The following DNAJC1 variants were observed in gnomAD, a reference collection of about 807,000 sequenced individuals.
The protein encoded by DNAJC1 is dnaJ homolog subfamily C member 1.
DNAJC1 carries 58 observed loss-of-function variants against 76.6 expected under a neutral mutation model. That is an observed-to-expected ratio of 0.76 (90% CI 0.61 to 0.94). The LOEUF (loss-of-function observed/expected upper bound fraction) is 0.94. DNAJC1 is among the 40% of genes least tolerant of loss of function. The pLI is 0.00. For synonymous variants in DNAJC1, 258 were observed against 267.9 expected, an observed-to-expected ratio of 0.96 and a Z score of 0.36; for missense variants, 689 against 677.3, an observed-to-expected ratio of 1.02 and a Z score of -0.19.
chr10:21,768,732 A>T (rs1042491883), intron 9 of DNAJC1, among the ~76,000 whole-genome samples: 3 of 152,228 alleles, frequency 2.0e-5, no homozygotes, highest in African/African-American at 4.8e-5. Flanking sequence ...GTTATCCAAC[A>T]TGAGCTTCCT....
At chr10:21,757,627 C>G (rs182224948) in intron 11 of DNAJC1, among the ~76,000 whole-genome samples, 1 of 152,308 alleles carries the variant, frequency 6.6e-6, no homozygotes, top group African/African-American at 2.4e-5. Flanking sequence ...TTAAAGATAT[C>G]AGTCTTTCCT....
At position 21,756,723 on chromosome 10, in the gene DNAJC1, A is replaced by C; in HGVS notation, c.1629T>G (p.Val543=). ...CTTGTTTTTTCTTTTGGACCAGTTC[A>C]ACCAGCAACTTGTACCTAGCGATAC... ...EDCIARYKLL[V]ELVQKKKQAK... The change falls in exon 12 of 12, where the codon GTT becomes GTG. Residue 543 remains valine (V), a synonymous_variant. Transcript: ENST00000376980. 1 of 1,613,918 alleles carries C rather than the reference A, an allele frequency of 6.2e-7. No homozygotes were observed. Among genetic ancestry groups the C allele is most frequent in the Non-Finnish European group, 8.5e-7 (1 of 1,180,012 alleles).
intron 8 of DNAJC1, among the ~76,000 whole-genome samples, chr10:21,825,117 G>T (rs1158965675): frequency 6.6e-6 from 1 of 152,008 alleles, no homozygotes; most frequent in Non-Finnish European, 1.5e-5. Context: ...ACCATTCAGT[G>T]GCATTAAGTA....
chr10:21,899,255 C>T (rs1278396438), intron 7 of DNAJC1, among the ~76,000 whole-genome samples: 1 of 152,212 alleles, frequency 6.6e-6, no homozygotes, highest in Non-Finnish European at 1.5e-5. Context: ...GTTTTACATA[C>T]TCCAGCCCTG....
At chr10:21,946,894 A>G (rs1837514559) in intron 1 of DNAJC1, among the ~76,000 whole-genome samples, 1 of 152,056 alleles carries the variant, frequency 6.6e-6, no homozygotes, top group South Asian at 2.1e-4. Context: ...ACCTAATGGG[A>G]GGTGTTTAGG....
chr10:21,979,375 C>A (rs1564843627), intron 1 of DNAJC1, among the ~76,000 whole-genome samples: 1 of 151,896 alleles, frequency 6.6e-6, no homozygotes, highest in African/African-American at 2.4e-5. Context: ...GAATCTATAT[C>A]CCAAATAAGG....
At chr10:21,826,976 T>C (rs137882672) in intron 8 of DNAJC1, among the ~76,000 whole-genome samples, 2 of 152,112 alleles carry the variant, frequency 1.3e-5, no homozygotes, top group African/African-American at 4.8e-5. Flanking sequence ...TTTTTTTTTT[T>C]CCTTTTGGAT....
At chr10:21,842,526 A>C (rs1211119551) in intron 8 of DNAJC1, among the ~76,000 whole-genome samples, 1 of 152,248 alleles carries the variant, frequency 6.6e-6, no homozygotes, top group Non-Finnish European at 1.5e-5. Context: ...GGGAGAATTA[A>C]GTTCAGTTTT....
chr10:21,991,444 T>C (rs1838325326), intron 1 of DNAJC1, among the ~76,000 whole-genome samples: 2 of 152,160 alleles, frequency 1.3e-5, no homozygotes, highest in South Asian at 4.1e-4. Flanking sequence ...TTTATACCAA[T>C]AGCCTTTACA....
chr10:21,837,825 TG>T (rs1437887651), intron 8 of DNAJC1, among the ~76,000 whole-genome samples: 3 of 113,612 alleles, frequency 2.6e-5, no homozygotes, highest in African/African-American at 1.1e-4. Flanking sequence ...GGGAGGGAGG[TG>T]GGGGGCAGCC....
chr10:21,999,405 G>C (rs959029680), intron 1 of DNAJC1, among the ~76,000 whole-genome samples: 1 of 148,226 alleles, frequency 6.7e-6, no homozygotes, highest in Non-Finnish European at 1.5e-5. Context: ...CTTACTGGTC[G>C]TTCCTGCTCT....
chr10:21,758,048 G>C (rs1171344708), intron 11 of DNAJC1, among the ~76,000 whole-genome samples: 1 of 152,136 alleles, frequency 6.6e-6, no homozygotes, highest in Non-Finnish European at 1.5e-5. Context: ...CGGAGAGGCT[G>C]GGAGAATCTG....
intron 1 of DNAJC1, among the ~76,000 whole-genome samples, chr10:21,994,050 GA>G (rs1447220239): frequency 6.6e-6 from 1 of 152,142 alleles, no homozygotes; most frequent in East Asian, 1.9e-4. Context: ...TTTTCTTTGA[GA>G]ACAGTCCTCA....
intron 8 of DNAJC1, among the ~76,000 whole-genome samples, chr10:21,846,731 A>G (rs756318289): frequency 1.3e-5 from 2 of 152,164 alleles, no homozygotes; most frequent in Non-Finnish European, 2.9e-5. Flanking sequence ...CCCAAGTATC[A>G]AAGTGTTTTA....
chr10:21,759,084 G>C (rs1834208909), intron 11 of DNAJC1, 86 bp downstream of exon 11: 26 of 1,331,558 alleles, frequency 2.0e-5, no homozygotes, highest in South Asian at 1.7e-4. Context: ...AGATAGGAAT[G>C]AGGGAAGAAG....
At chr10:21,809,391 A>T (rs889037975) in intron 8 of DNAJC1, among the ~76,000 whole-genome samples, 7 of 151,862 alleles carry the variant, frequency 4.6e-5, no homozygotes, top group African/African-American at 1.7e-4. Context: ...ATAATTATTT[A>T]TATAAATACA....
At chr10:21,831,789 C>CAAAA (rs141184526) in intron 8 of DNAJC1, among the ~76,000 whole-genome samples, 26 of 111,348 alleles carry the variant, frequency 2.3e-4, no homozygotes, top group East Asian at 1.7e-3. Context: ...GACTCCATCT[C>CAAAA]AAAAAAAAAA....
At chr10:21,943,832 C>A (rs1837459566) in intron 1 of DNAJC1, among the ~76,000 whole-genome samples, 1 of 151,926 alleles carries the variant, frequency 6.6e-6, no homozygotes, top group Non-Finnish European at 1.5e-5. Context: ...TGTTTCTACC[C>A]TGCATATAGT....
chr10:21,920,671 G>C (rs1641710100), intron 4 of DNAJC1, 127 bp downstream of exon 4: 1 of 757,060 alleles, frequency 1.3e-6, no homozygotes, highest in Non-Finnish European at 1.9e-6. Flanking sequence ...CAAACATTGA[G>C]TATAAAACTA....
Sources: allele counts gnomAD v4.1 joint callset (sites outside exome capture counted in the v4.1 genomes callset), GRCh38; gene constraint gnomAD v4.1.1; transcripts MANE v1.5; gene names NCBI Gene and HGNC (gene_info 2026-07-23, HGNC 2026-07-21).